The following ARL14EPL variants were observed in gnomAD, a reference collection of about 807,000 sequenced individuals.
ARL14EPL encodes ARL14 effector protein-like.
A neutral mutation model predicts 15.9 loss-of-function variants in ARL14EPL; 17 were observed. That is an observed-to-expected ratio of 1.07 (90% CI 0.73 to 1.60). The LOEUF is 1.60. ARL14EPL is among the 40% of genes most tolerant of loss of function. ARL14EPL has a pLI of 0.00. For synonymous variants in ARL14EPL, 78 were observed against 63.8 expected (o/e 1.22, Z -1.06); for missense variants, 214 against 185.9 (o/e 1.15, Z -0.88).
rs532592764 is a variant in ARL14EPL, at chr5:116,036,305, GAAA to G, written c.-10+3801_-10+3803del. Among the ~76,000 whole-genome samples, 9 of 152,308 alleles carry G rather than the reference GAAA, an allele frequency of 5.9e-5. No homozygotes were observed. In the East Asian group the frequency reaches 1.7e-3, roughly 29 times the overall value. On this transcript the variant is annotated intron_variant, in intron 1 of 3. Transcript: ENST00000686077. ...CCATTACACTCTGAGAAGCCTCTCT[GAAA>G]GCTTCTAAAACACATACATCTTCCG...
At chr5:116,037,725 A>G (rs1749073208) in intron 1 of ARL14EPL, among the ~76,000 whole-genome samples, 1 of 152,246 alleles carries the variant, frequency 6.6e-6, no homozygotes, top group South Asian at 2.1e-4. Context: ...ATTGTGAAAT[A>G]CATGCTTATT....
At chr5:116,037,364 C>T (rs1749064845) in intron 1 of ARL14EPL, among the ~76,000 whole-genome samples, 1 of 152,232 alleles carries the variant, frequency 6.6e-6, no homozygotes. Flanking sequence ...CATAGTCCAT[C>T]TTGCCCTGAA....
chr5:116,035,602 G>T (rs932337384), intron 1 of ARL14EPL, among the ~76,000 whole-genome samples: 27 of 152,332 alleles, frequency 1.8e-4, no homozygotes, highest in African/African-American at 6.5e-4. Context: ...CACTTCTAGG[G>T]TAGGGGTAAC....
chr5:116,042,846 T>C (rs1323434099), intron 1 of ARL14EPL, among the ~76,000 whole-genome samples: 1 of 152,218 alleles, frequency 6.6e-6, no homozygotes, highest in African/African-American at 2.4e-5. Flanking sequence ...CCTTCTTCCT[T>C]ACATGAAGGA....
At chr5:116,038,826 G>C (rs534507116) in intron 1 of ARL14EPL, among the ~76,000 whole-genome samples, 1 of 152,154 alleles carries the variant, frequency 6.6e-6, no homozygotes, top group Non-Finnish European at 1.5e-5. Context: ...AGTTGTAAAA[G>C]AAATCTGAGA....
intron 1 of ARL14EPL, among the ~76,000 whole-genome samples, chr5:116,040,748 C>T (rs144567255): frequency 0.019 from 2,754 of 148,708 alleles, 31 homozygotes; most frequent in Non-Finnish European, 0.024. Flanking sequence ...CCAAGGTGGG[C>T]GGATCACGAG....
rs1749408847 is a variant in ARL14EPL at position 116,052,437 on chromosome 5, A to G, written c.96+876A>G. 19 of 609,490 alleles carry G rather than the reference A, an allele frequency of 3.1e-5. 1 individual carries two copies. The South Asian group carries it at 3.8e-4, about 12-fold the overall frequency. The allele number at this position is 609,490 out of a possible 1,614,324, so 37.8% of individuals were successfully genotyped here. Reference sequence around the variant, plus strand: ...GTATGTATTAACTCATCTAATCCTTATCACACCATACTATTGTTAACTCCA... The same window carrying G: ...GTATGTATTAACTCATCTAATCCTTGTCACACCATACTATTGTTAACTCCA... On this transcript the variant is annotated intron_variant, in intron 2 of 3. Transcript: ENST00000686077.
At chr5:116,034,137 G>T (rs1333658719) in intron 1 of ARL14EPL, among the ~76,000 whole-genome samples, 1 of 152,084 alleles carries the variant, frequency 6.6e-6, no homozygotes, top group Non-Finnish European at 1.5e-5. Flanking sequence ...GAGAGTTTTG[G>T]GTTTTCTATC....
chr5:116,049,718 A>C (rs1182187833), intron 1 of ARL14EPL, among the ~76,000 whole-genome samples: 1 of 152,198 alleles, frequency 6.6e-6, no homozygotes, highest in African/African-American at 2.4e-5. Flanking sequence ...GAAGGACCAT[A>C]AAAGAGAGAT....
At chr5:116,040,012 C>T (rs1749119830) in intron 1 of ARL14EPL, among the ~76,000 whole-genome samples, 1 of 152,086 alleles carries the variant, frequency 6.6e-6, no homozygotes, top group Non-Finnish European at 1.5e-5. Flanking sequence ...TTAATGACTA[C>T]TTCATATCAC....
intron 1 of ARL14EPL, among the ~76,000 whole-genome samples, chr5:116,036,591 G>C (rs111504253): frequency 0.011 from 1,693 of 152,202 alleles, 26 homozygotes; most frequent in African/African-American, 0.035. Flanking sequence ...TCAAGTCACT[G>C]TTTGGGTTTC....
chr5:116,051,679 C>A (rs1749382607), intron 2 of ARL14EPL, 118 bp downstream of exon 2: 4 of 864,606 alleles, frequency 4.6e-6, no homozygotes, highest in South Asian at 3.5e-5. Flanking sequence ...CAGGGAGGAG[C>A]TCTGCCGCCC....
chr5:116,059,016 G>A lies in ARL14EPL; in HGVS notation c.*69G>A. 1 of 1,416,646 alleles carries A rather than the reference G, an allele frequency of 7.1e-7. No homozygotes were observed. The highest frequency in any genetic ancestry group is 9.6e-7 in the Non-Finnish European group (1 of 1,042,492). 87.8% of individuals were successfully genotyped at this position (1,416,646 alleles called of 1,614,324 possible). ...TTAAGTTGACCTCTTTCTTTTGGGT[G>A]AATTTTAGGGCTTGGGGGAAATATC... On this transcript the variant is annotated 3_prime_UTR_variant, in exon 4 of 4. Transcript: ENST00000686077.
chr5:116,043,783 CT>C lies in ARL14EPL; in HGVS notation c.-9-7670del, dbSNP rs556016521. 1.0e-3 allele frequency among the ~76,000 whole-genome samples: 154 copies of C among 152,256 alleles called. 2 individuals carry two copies. The highest frequency in any genetic ancestry group is 3.6e-3 in the African/African-American group (151 of 41,566). On this transcript the variant is annotated intron_variant, in intron 1 of 3. Coordinates refer to ENST00000686077, the MANE Select transcript of ARL14EPL (RefSeq NM_001195581.2). ...TTTCTTGGTTGGTTACAAACCTTATCTTTTGGAAAATTTTCCTCTGTCTAGT... is the reference window on the plus strand; with the variant it reads ...TTTCTTGGTTGGTTACAAACCTTATCTTTGGAAAATTTTCCTCTGTCTAGT...
intron 2 of ARL14EPL, chr5:116,052,173 T>G: frequency 6.2e-7 from 1 of 1,610,320 alleles, no homozygotes; most frequent in Non-Finnish European, 8.5e-7. Flanking sequence ...TCCCGAACTT[T>G]GCCTTTGGAC....
chr5:116,040,727 T>C (rs1356813921), intron 1 of ARL14EPL, among the ~76,000 whole-genome samples: 3 of 150,898 alleles, frequency 2.0e-5, no homozygotes, highest in Non-Finnish European at 3.0e-5. Flanking sequence ...GTTTTTATGC[T>C]GTTTGGGAGG....
intron 3 of ARL14EPL, among the ~76,000 whole-genome samples, chr5:116,054,400 G>C (rs1561580992): frequency 6.6e-6 from 1 of 152,190 alleles, no homozygotes; most frequent in Non-Finnish European, 1.5e-5. Flanking sequence ...AATGGCTTTA[G>C]TAGGAAAGAT....
rs1055879367 is a variant in ARL14EPL at position 116,059,050 on chromosome 5, A to T, written c.*103A>T. 4 of 1,073,596 alleles carry T rather than the reference A, an allele frequency of 3.7e-6. No individual in the cohort carries two copies. Among genetic ancestry groups the T allele is most frequent in the South Asian group, 1.5e-5 (1 of 67,498 alleles). 66.5% of individuals were successfully genotyped at this position (1,073,596 alleles called of 1,614,324 possible). The stretch of plus-strand genomic sequence containing the variant: ...GGCTTGGGGGAAATATCGAAAAAAC[A>T]TACTGAAGACTCATGTTCTGTCAAG... On this transcript the variant is annotated 3_prime_UTR_variant, in exon 4 of 4. Coordinates refer to ENST00000686077, the MANE Select transcript of ARL14EPL (RefSeq NM_001195581.2).
chr5:116,056,721 C>A (rs1424496899), intron 3 of ARL14EPL, among the ~76,000 whole-genome samples: 2 of 152,132 alleles, frequency 1.3e-5, no homozygotes, highest in African/African-American at 4.8e-5. Flanking sequence ...AAGTTCTTGC[C>A]CATGCCTATA....
Sources: allele counts gnomAD v4.1 joint callset (sites outside exome capture counted in the v4.1 genomes callset), GRCh38; gene constraint gnomAD v4.1.1; transcripts MANE v1.5; gene names NCBI Gene and HGNC (gene_info 2026-07-23, HGNC 2026-07-21).